LDLRAD4: variants seen among roughly 807,000 people sequenced by gnomAD.
LDLRAD4 encodes low density lipoprotein receptor class A domain containing 4, also known as low-density lipoprotein receptor class A domain-containing protein 4.
LDLRAD4 carries 5 observed loss-of-function variants against 17.0 expected under a neutral mutation model. The ratio of observed to expected loss-of-function variants is 0.29; its 90% CI spans 0.15 to 0.62. The LOEUF is 0.62. Ranked by LOEUF, LDLRAD4 falls within the 20% of genes least tolerant of loss-of-function variation. The probability of loss-of-function intolerance (pLI) is 0.84; values close to 1 mark genes in which losing one functional copy is unlikely to be tolerated. For missense variants in LDLRAD4, 340 were observed against 424.7 expected (o/e 0.80, Z 1.75); for synonymous variants, 168 against 171.8 (o/e 0.98, Z 0.17).
chr18:13,512,342 C>T (rs1169910530), intron 3 of LDLRAD4, among the ~76,000 whole-genome samples: 3 of 152,164 alleles, frequency 2.0e-5, no homozygotes, highest in African/African-American at 7.2e-5. Context: ...CATCTGTGGC[C>T]TCCTTTCCTT....
rs191784033 is a variant in LDLRAD4 at position 13,583,363 on chromosome 18, G to T, written c.182-37754G>T. Among the ~76,000 whole-genome samples, 261 of 152,198 alleles carry T rather than the reference G, an allele frequency of 1.7e-3. 2 individuals carry two copies. Among genetic ancestry groups the T allele is most frequent in the African/African-American group, 6.1e-3 (253 of 41,512 alleles). ...GAGAGGATGGCTGACAGACTGGGGC[G>T]GCCTCCTGATGGCCACGTGTGTGGT... On this transcript the variant is annotated intron_variant, in intron 3 of 5. Coordinates refer to ENST00000359446, the Ensembl canonical transcript of LDLRAD4.
intron 3 of LDLRAD4, among the ~76,000 whole-genome samples, chr18:13,549,606 A>G (rs2148053433): frequency 6.6e-6 from 1 of 151,898 alleles, no homozygotes; most frequent in East Asian, 1.9e-4. Flanking sequence ...CGTGAAACAT[A>G]GAAAGGCCGT....
intron 1 of LDLRAD4, among the ~76,000 whole-genome samples, chr18:13,309,856 A>G (rs2146709977): frequency 6.6e-6 from 1 of 152,202 alleles, no homozygotes; most frequent in East Asian, 1.9e-4. Context: ...TTTGTGACTG[A>G]AGCTGTGTGG....
At chr18:13,382,859 C>T (rs1568077785) in intron 1 of LDLRAD4, 1 of 152,336 alleles carries the variant, frequency 6.6e-6, no homozygotes, top group Non-Finnish European at 1.5e-5. Flanking sequence ...CAGGGTCAGT[C>T]CTGCTCTCCT....
intron 3 of LDLRAD4, among the ~76,000 whole-genome samples, chr18:13,459,702 A>G (rs75814751): frequency 0.14 from 21,379 of 152,164 alleles, 1,670 homozygotes; most frequent in African/African-American, 0.21. Flanking sequence ...GTTTTAAGCC[A>G]CTGAGTTTGT....
At chr18:13,460,459 T>C (rs1174792965) in intron 3 of LDLRAD4, among the ~76,000 whole-genome samples, 2 of 152,260 alleles carry the variant, frequency 1.3e-5, no homozygotes, top group Non-Finnish European at 2.9e-5. Context: ...CCCAAAGTGC[T>C]GGGATTACAG....
At chr18:13,595,661 T>C (rs945146082) in intron 3 of LDLRAD4, among the ~76,000 whole-genome samples, 7 of 152,356 alleles carry the variant, frequency 4.6e-5, no homozygotes, top group Middle Eastern at 3.4e-3. Flanking sequence ...ATCCATGTTT[T>C]TTTTAAATGT....
intron 3 of LDLRAD4, among the ~76,000 whole-genome samples, chr18:13,496,854 A>C (rs1475685416): frequency 6.6e-6 from 1 of 152,238 alleles, no homozygotes; most frequent in African/African-American, 2.4e-5. Context: ...TGTCCAGCAA[A>C]TCTCAAGGCA....
intron 1 of LDLRAD4, among the ~76,000 whole-genome samples, chr18:13,287,690 T>A (rs1436047612): frequency 6.6e-6 from 1 of 152,198 alleles, no homozygotes; most frequent in Non-Finnish European, 1.5e-5. Context: ...TTGAACTTAG[T>A]GTGGATGGAT....
intron 1 of LDLRAD4, among the ~76,000 whole-genome samples, chr18:13,261,897 A>G (rs9965848): frequency 0.52 from 78,297 of 151,974 alleles, 22,512 homozygotes; most frequent in Middle Eastern, 0.65. Context: ...AAAGAGGAAC[A>G]GAGGAGATGG....
chr18:13,230,800 C>G (rs987370901), intron 1 of LDLRAD4, among the ~76,000 whole-genome samples: 4 of 152,206 alleles, frequency 2.6e-5, no homozygotes, highest in Non-Finnish European at 5.9e-5. Context: ...CAGACCATAT[C>G]TTGCTCCTTT....
At chr18:13,502,465 C>T (rs75152955) in intron 3 of LDLRAD4, among the ~76,000 whole-genome samples, 2,968 of 152,294 alleles carry the variant, frequency 0.019, 89 homozygotes, top group African/African-American at 0.067. Context: ...GTATGAAGTT[C>T]GTACAAGGCA....
At chr18:13,321,132 C>T (rs1333989308) in intron 1 of LDLRAD4, among the ~76,000 whole-genome samples, 2 of 152,142 alleles carry the variant, frequency 1.3e-5, no homozygotes, top group Admixed American at 6.5e-5. Flanking sequence ...TGCAGGACTC[C>T]GAGAGACTGG....
intron 3 of LDLRAD4, chr18:13,611,237 GT>G (rs2039527671): frequency 6.4e-6 from 1 of 155,144 alleles, no homozygotes; most frequent in Admixed American, 6.5e-5. Flanking sequence ...ACAGAGTTTA[GT>G]TTTGCTTTGA....
chr18:13,589,272 A>G (rs1023936903), intron 3 of LDLRAD4, among the ~76,000 whole-genome samples: 1 of 152,012 alleles, frequency 6.6e-6, no homozygotes. Flanking sequence ...TCTGTCCCCA[A>G]ACTGTGATGG....
chr18:13,245,743 C>A (rs1235408506), intron 1 of LDLRAD4, among the ~76,000 whole-genome samples: 1 of 152,250 alleles, frequency 6.6e-6, no homozygotes, highest in African/African-American at 2.4e-5. Context: ...CTCAGAATGG[C>A]AGCTGGTGGC....
intron 1 of LDLRAD4, among the ~76,000 whole-genome samples, chr18:13,253,734 C>A (rs1598917967): frequency 6.6e-6 from 1 of 152,200 alleles, no homozygotes; most frequent in African/African-American, 2.4e-5. Flanking sequence ...TGTTTTATTT[C>A]TTTTCATTAG....
chr18:13,222,604 C>T (rs998711890), intron 1 of LDLRAD4, among the ~76,000 whole-genome samples: 17 of 152,362 alleles, frequency 1.1e-4, no homozygotes, highest in African/African-American at 4.1e-4. Flanking sequence ...GCCTGGTGTG[C>T]ATGCAGCTGC....
chr18:13,608,292 T>G (rs1203333129), intron 3 of LDLRAD4, among the ~76,000 whole-genome samples: 2 of 152,040 alleles, frequency 1.3e-5, no homozygotes, highest in African/African-American at 4.8e-5. Flanking sequence ...CTGCGAGAAT[T>G]TCTGTTGTGA....
Sources: gnomAD v4.1 joint callset for allele counts (sites outside exome capture counted in the v4.1 genomes callset) on GRCh38, gnomAD v4.1.1 for gene constraint, MANE v1.5 for transcripts, NCBI Gene and HGNC (gene_info 2026-07-23, HGNC 2026-07-21) for gene names.